SPATS2: variants seen among roughly 807,000 people sequenced by gnomAD.
SPATS2 encodes spermatogenesis associated serine rich 2, also known as spermatogenesis-associated serine-rich protein 2.
In SPATS2, 38 loss-of-function variants were observed where a neutral mutation model predicts 63.7. That is an observed-to-expected ratio of 0.60 (90% CI 0.46 to 0.78). SPATS2 has a LOEUF of 0.78. Ranked by LOEUF, SPATS2 falls within the 30% of genes least tolerant of loss-of-function variation. SPATS2 has a pLI of 0.00. For synonymous variants in SPATS2, 207 were observed against 232.9 expected (o/e 0.89, Z 1.01); for missense variants, 588 against 666.2 (o/e 0.88, Z 1.29).
chr12:49,421,416 C>CAAAAA (rs71080195), intron 2 of SPATS2, among the ~76,000 whole-genome samples: 5 of 52,110 alleles, frequency 9.6e-5, no homozygotes, highest in African/African-American at 2.5e-4. Context: ...GACTTTGTCT[C>CAAAAA]AAAAAAAAAA....
At chr12:49,413,783 AACAG>A (rs1944839532) in intron 2 of SPATS2, among the ~76,000 whole-genome samples, 1 of 112,172 alleles carries the variant, frequency 8.9e-6, no homozygotes, top group Admixed American at 7.7e-5. Flanking sequence ...CTGTGAACTA[AACAG>A]ACAGGGCATC....
intron 2 of SPATS2, among the ~76,000 whole-genome samples, chr12:49,372,852 T>G (rs1555176798): frequency 6.6e-6 from 1 of 152,126 alleles, no homozygotes; most frequent in Non-Finnish European, 1.5e-5. Context: ...GTATGCAAGC[T>G]GTAACATAAT....
At chr12:49,385,286 A>C (rs1289199563) in intron 2 of SPATS2, among the ~76,000 whole-genome samples, 4 of 151,480 alleles carry the variant, frequency 2.6e-5, no homozygotes, top group Non-Finnish European at 5.9e-5. Context: ...ATTTCAAAAA[A>C]AAAAAACAAA....
chr12:49,497,026 C>T lies in SPATS2; in HGVS notation c.703+17C>T. The stretch of plus-strand genomic sequence containing the variant: ...AAAAGCTAAGTAAGTCAGAGGCCCA[C>T]CTGTGAGAGAAAATGAAAAATCTGT... On this transcript the variant is annotated intron_variant, in intron 8 of 13. Coordinates refer to ENST00000552918, the MANE Select transcript of SPATS2 (RefSeq NM_023071.4). 4.7e-6 allele frequency: 7 copies of T among 1,501,452 alleles called. No homozygotes were observed. The highest frequency in any genetic ancestry group is 6.2e-6 in the Non-Finnish European group (7 of 1,127,774). The allele number at this position is 1,501,452 out of a possible 1,614,324, so 93.0% of individuals were successfully genotyped here. A position where few individuals can be genotyped will look rare whatever the true frequency, so the allele number is the denominator to read the frequency against.
Position 49,500,128 on chromosome 12 carries a change from G to C in SPATS2, c.762G>C (p.Arg254=), listed in dbSNP as rs1565752788. The change falls in exon 9 of 14, where the codon CGG becomes CGC. Residue 254 remains arginine, a synonymous_variant. Transcript: ENST00000552918. The stretch of plus-strand genomic sequence containing the variant: ...AGCGCTGCACAGTGTCTCTTGCACG[G>C]TATCGAGTTGTAGTTAAAGAAGAGA... The part of the protein sequence containing the change: ...DLQRCTVSLA[R]YRVVVKEEMD... The C allele has an allele frequency of 6.2e-7, 1 of 1,611,158 alleles. No homozygotes were observed. Among genetic ancestry groups the C allele is most frequent in the Admixed American group, 1.7e-5 (1 of 59,622 alleles).
At chr12:49,385,867 G>GT (rs910472041) in intron 2 of SPATS2, among the ~76,000 whole-genome samples, 1 of 138,272 alleles carries the variant, frequency 7.2e-6, no homozygotes, top group African/African-American at 3.1e-5. Flanking sequence ...TTGTTTGTTT[G>GT]TTTTTTGTTT....
At chr12:49,376,344 C>A (rs935878185) in intron 2 of SPATS2, among the ~76,000 whole-genome samples, 5 of 152,080 alleles carry the variant, frequency 3.3e-5, no homozygotes, top group Admixed American at 1.3e-4. Context: ...CTCAGGTGAT[C>A]CGCCTGCCTC....
intron 2 of SPATS2, among the ~76,000 whole-genome samples, chr12:49,408,189 C>G (rs989768854): frequency 1.3e-5 from 2 of 151,872 alleles, no homozygotes; most frequent in Non-Finnish European, 2.9e-5. Flanking sequence ...CCATTACTAC[C>G]TGATAGCAGA....
At chr12:49,481,458 ATTTTTTTTTTTTT>A (rs1013711085) in intron 3 of SPATS2, among the ~76,000 whole-genome samples, 1 of 97,798 alleles carries the variant, frequency 1.0e-5, no homozygotes, top group Non-Finnish European at 1.9e-5. Flanking sequence ...AGGCTTCCTC[ATTTTTTTTTTTTT>A]TTTTTTTTTT....
At chr12:49,469,468 G>A in intron 3 of SPATS2, 1 of 378,620 alleles carries the variant, frequency 2.6e-6, no homozygotes, top group Non-Finnish European at 5.1e-6. Flanking sequence ...GTTGAGGCAG[G>A]GGAATCACTC....
chr12:49,447,308 G>A (rs1375259280), intron 2 of SPATS2, among the ~76,000 whole-genome samples: 2 of 151,434 alleles, frequency 1.3e-5, no homozygotes, highest in African/African-American at 4.9e-5. Context: ...GTGCAATCTC[G>A]GCTCACTGCA....
At chr12:49,482,090 GA>G (rs896463919) in intron 3 of SPATS2, among the ~76,000 whole-genome samples, 1 of 152,218 alleles carries the variant, frequency 6.6e-6, no homozygotes, top group African/African-American at 2.4e-5. Context: ...GAATCTACTT[GA>G]GGTGTTGGTT....
intron 3 of SPATS2, among the ~76,000 whole-genome samples, chr12:49,476,669 C>G (rs188108686): frequency 6.6e-6 from 1 of 152,178 alleles, no homozygotes; most frequent in African/African-American, 2.4e-5. Context: ...AGAAGCGAGC[C>G]ACACCCCCAC....
chr12:49,443,011 C>T (rs1038910594), intron 2 of SPATS2, among the ~76,000 whole-genome samples: 12 of 152,026 alleles, frequency 7.9e-5, no homozygotes, highest in African/African-American at 2.7e-4. Context: ...AACATTTGTC[C>T]TTTTGTGACT....
At chr12:49,486,352 C>A in intron 4 of SPATS2, 1 of 338,160 alleles carries the variant, frequency 3.0e-6, no homozygotes, top group South Asian at 2.1e-5. Flanking sequence ...GATACAGGTG[C>A]GTGCCACCAT....
chr12:49,455,663 T>C (rs1455306357), intron 2 of SPATS2, among the ~76,000 whole-genome samples: 1 of 152,212 alleles, frequency 6.6e-6, no homozygotes, highest in African/African-American at 2.4e-5. Flanking sequence ...ATTCCGTTGC[T>C]TAGGCTGGCG....
chr12:49,436,632 C>G (rs1199763153), intron 2 of SPATS2, among the ~76,000 whole-genome samples: 23 of 103,028 alleles, frequency 2.2e-4, no homozygotes, highest in Middle Eastern at 9.6e-3. Flanking sequence ...CCCTCCCGGA[C>G]GGGGCGGCTG....
At chr12:49,376,061 A>AT (rs1433588342) in intron 2 of SPATS2, among the ~76,000 whole-genome samples, 1 of 137,428 alleles carries the variant, frequency 7.3e-6, no homozygotes, top group Non-Finnish European at 1.5e-5. Flanking sequence ...AAATGCTTGG[A>AT]TTACAGGCAT....
intron 2 of SPATS2, among the ~76,000 whole-genome samples, chr12:49,411,907 T>A (rs537451800): frequency 1.3e-5 from 2 of 152,334 alleles, no homozygotes; most frequent in South Asian, 4.2e-4. Flanking sequence ...TAACCATGTT[T>A]ATAATATGTG....
Sources: gnomAD v4.1 joint callset for allele counts (sites outside exome capture counted in the v4.1 genomes callset) on GRCh38, gnomAD v4.1.1 for gene constraint, MANE v1.5 for transcripts, NCBI Gene and HGNC (gene_info 2026-07-23, HGNC 2026-07-21) for gene names.